The following CADM1 variants were observed in gnomAD, a reference collection of about 807,000 sequenced individuals.
The protein encoded by CADM1 is TSLC-1.
CADM1 carries 15 observed loss-of-function variants against 53.1 expected under a neutral mutation model. That is an observed-to-expected ratio of 0.28 (90% confidence interval 0.19 to 0.44). CADM1 has a LOEUF of 0.44. Among genes scored for constraint, CADM1 ranks in the 20% least tolerant of loss-of-function variants. The probability of loss-of-function intolerance (pLI) is 1.00; values close to 1 mark genes in which losing one functional copy is unlikely to be tolerated. For synonymous variants in CADM1, 281 were observed against 243.0 expected (o/e 1.16, Z -1.45); for missense variants, 434 against 611.3 (o/e 0.71, Z 3.06).
At chr11:115,180,195 G>C (rs1352218640) in intron 10 of CADM1, among the ~76,000 whole-genome samples, 5 of 152,164 alleles carry the variant, frequency 3.3e-5, no homozygotes, top group East Asian at 3.8e-4. Context: ...TCTGCTCCGA[G>C]ATTAAGTACT....
intron 1 of CADM1, among the ~76,000 whole-genome samples, chr11:115,346,544 T>C (rs1945583233): frequency 6.6e-6 from 1 of 152,140 alleles, no homozygotes; most frequent in South Asian, 2.1e-4. Flanking sequence ...GGCCTGCTTA[T>C]TGTTTTGTTT....
chr11:115,232,664 A>G (rs1309624174), intron 3 of CADM1, among the ~76,000 whole-genome samples: 1 of 152,088 alleles, frequency 6.6e-6, no homozygotes, highest in Non-Finnish European at 1.5e-5. Flanking sequence ...TGATGGTGAC[A>G]ATGATGATGA....
At chr11:115,424,398 G>T (rs1947835347) in intron 1 of CADM1, among the ~76,000 whole-genome samples, 1 of 152,174 alleles carries the variant, frequency 6.6e-6, no homozygotes, top group African/African-American at 2.4e-5. Context: ...TATTTTGGTA[G>T]AATTCTCAGT....
At chr11:115,308,519 C>T (rs1944448014) in intron 1 of CADM1, among the ~76,000 whole-genome samples, 1 of 151,880 alleles carries the variant, frequency 6.6e-6, no homozygotes, top group South Asian at 2.1e-4. Context: ...CCATTTCATG[C>T]AAAGCTGATC....
At chr11:115,246,920 G>A (rs1285006320) in intron 1 of CADM1, among the ~76,000 whole-genome samples, 1 of 152,156 alleles carries the variant, frequency 6.6e-6, no homozygotes, top group Non-Finnish European at 1.5e-5. Context: ...TGAATGGCAA[G>A]TTTAAGAGTA....
intron 1 of CADM1, among the ~76,000 whole-genome samples, chr11:115,487,364 G>A (rs1460831475): frequency 1.3e-5 from 2 of 151,778 alleles, no homozygotes; most frequent in Non-Finnish European, 2.9e-5. Flanking sequence ...TCTTTTTCTT[G>A]CTCCTTTAGT....
chr11:115,377,589 A>G (rs1036358258), intron 1 of CADM1: 1 of 152,224 alleles, frequency 6.6e-6, no homozygotes, highest in African/African-American at 2.4e-5. Context: ...ATAAGCTGAT[A>G]ATAATCGCCA....
intron 1 of CADM1, among the ~76,000 whole-genome samples, chr11:115,395,144 C>T (rs1230024538): frequency 6.6e-6 from 1 of 152,064 alleles, no homozygotes; most frequent in Non-Finnish European, 1.5e-5. Context: ...TTTTTAAATG[C>T]CAAAGCCCAA....
rs188064306 is a variant in CADM1 at position 115,364,636 on chromosome 11, A to G, written c.125-124216T>C. On this transcript the variant is annotated intron_variant, in intron 1 of 11. Transcript: ENST00000331581. ...TCATATTATACTTGTGACATAGCAT[A>G]TTGGTATCTATGATACTTCTTGAAT... 9.3e-4 allele frequency among the ~76,000 whole-genome samples: 141 copies of G among 152,264 alleles called. 1 individual carries two copies. The highest frequency in any genetic ancestry group is 3.1e-3 in the African/African-American group (127 of 41,574).
chr11:115,499,855 T>C (rs1464598652), intron 1 of CADM1, among the ~76,000 whole-genome samples: 1 of 152,268 alleles, frequency 6.6e-6, no homozygotes, highest in Non-Finnish European at 1.5e-5. Flanking sequence ...TCCCAAAATG[T>C]TACATTTTCT....
rs546478526 is a variant in CADM1, at chr11:115,490,338, G to A, written c.124+13933C>T. Among the ~76,000 whole-genome samples, 6 of 151,566 alleles carry A rather than the reference G, an allele frequency of 4.0e-5. No individual in the cohort carries two copies. In the South Asian group the frequency reaches 1.3e-3, roughly 32 times the overall value. On this transcript the variant is annotated intron_variant, in intron 1 of 11. Coordinates refer to ENST00000331581, the MANE Select transcript of CADM1 (RefSeq NM_001301043.2). ...TATTTAACTCATTGGATGGATGGTG[G>A]TACCCTTCATCAGAATAGGAAACAT...
chr11:115,306,072 C>CCACACACACACACACACACA (rs6144515), intron 1 of CADM1, among the ~76,000 whole-genome samples: 11,201 of 130,256 alleles, frequency 0.086, 723 homozygotes, highest in East Asian at 0.16. Context: ...AGGATATATA[C>CCACACACACACACACACACA]CACACACACA....
At chr11:115,369,529 C>G (rs1030678967) in intron 1 of CADM1, among the ~76,000 whole-genome samples, 2 of 152,042 alleles carry the variant, frequency 1.3e-5, no homozygotes, top group African/African-American at 2.4e-5. Flanking sequence ...AAATATCTCT[C>G]AGATGTTTAG....
chr11:115,251,186 C>T (rs985687321), intron 1 of CADM1, among the ~76,000 whole-genome samples: 3 of 152,212 alleles, frequency 2.0e-5, no homozygotes, highest in South Asian at 2.1e-4. Flanking sequence ...GGCAGCTCAA[C>T]TCCAACTTAA....
chr11:115,434,892 ACT>A (rs1306028399), intron 1 of CADM1, among the ~76,000 whole-genome samples: 2 of 136,482 alleles, frequency 1.5e-5, no homozygotes, highest in Admixed American at 7.9e-5. Flanking sequence ...ACAGAGTCTC[ACT>A]CTGTCACCCA....
At chr11:115,491,921 G>A (rs1949505843) in intron 1 of CADM1, among the ~76,000 whole-genome samples, 1 of 152,104 alleles carries the variant, frequency 6.6e-6, no homozygotes, top group African/African-American at 2.4e-5. Context: ...TTGGACACAG[G>A]GCAGGGAACA....
intron 1 of CADM1, among the ~76,000 whole-genome samples, chr11:115,408,634 A>G (rs946984165): frequency 1.3e-5 from 2 of 152,184 alleles, no homozygotes; most frequent in Non-Finnish European, 2.9e-5. Context: ...CAAAGGTTCT[A>G]CATAGCCCCT....
At chr11:115,302,284 A>G (rs2135138637) in intron 1 of CADM1, among the ~76,000 whole-genome samples, 1 of 152,234 alleles carries the variant, frequency 6.6e-6, no homozygotes, top group East Asian at 1.9e-4. Flanking sequence ...AAACCTGCAC[A>G]TGTATTCCTG....
Position 115,174,126 on chromosome 11 carries a change from A to G in CADM1, c.*2348T>C, listed in dbSNP as rs1938903987. ...AATCTACCTGAGACGGAAAACACCAATCGCAACACATGAACCTGAGACATG... is the reference window on the plus strand; with the variant it reads ...AATCTACCTGAGACGGAAAACACCAGTCGCAACACATGAACCTGAGACATG... On this transcript the variant is annotated 3_prime_UTR_variant, in exon 12 of 12. Coordinates refer to ENST00000331581, the MANE Select transcript of CADM1 (RefSeq NM_001301043.2). 3.0e-6 allele frequency: 3 copies of G among 985,266 alleles called. No individual in the cohort carries two copies. The highest frequency in any genetic ancestry group is 4.7e-5 in the South Asian group (1 of 21,286). The allele number at this position is 985,266 out of a possible 1,614,324, so 61.0% of individuals were successfully genotyped here.
Sources: gnomAD v4.1 joint callset for allele counts (sites outside exome capture counted in the v4.1 genomes callset) on GRCh38, gnomAD v4.1.1 for gene constraint, MANE v1.5 for transcripts, NCBI Gene and HGNC (gene_info 2026-07-23, HGNC 2026-07-21) for gene names.